The following PCDH17 variants were observed in gnomAD, a reference collection of about 807,000 sequenced individuals.
PCDH17 encodes the protein protocadherin-17.
Under a neutral mutation model 67.7 loss-of-function variants are expected in PCDH17, and 21 were observed. The observed-to-expected ratio is 0.31, with a 90% CI of 0.22 to 0.45. The LOEUF is 0.45. PCDH17 is among the 20% of genes least tolerant of loss of function. The pLI is 1.00. For synonymous variants in PCDH17, 701 were observed against 656.7 expected (o/e 1.07, Z -1.03); for missense variants, 1,471 against 1,564.8 (o/e 0.94, Z 1.01).
chr13:57,637,911 T>TA (rs1954843530), intron 1 of PCDH17, among the ~76,000 whole-genome samples: 1 of 151,986 alleles, frequency 6.6e-6, no homozygotes, highest in Non-Finnish European at 1.5e-5. Context: ...TAGGAGTACT[T>TA]TTACTGAGTA....
At chr13:57,693,314 T>TTATATATA (rs1442107442) in intron 3 of PCDH17, among the ~76,000 whole-genome samples, 2 of 41,308 alleles carry the variant, frequency 4.8e-5, no homozygotes, top group African/African-American at 1.5e-4. Context: ...TCACTTACAT[T>TTATATATA]CATATATATA....
chr13:57,721,602 G>A (rs971770358), intron 3 of PCDH17, among the ~76,000 whole-genome samples: 1 of 151,932 alleles, frequency 6.6e-6, no homozygotes, highest in Non-Finnish European at 1.5e-5. Flanking sequence ...GCAATAGAAG[G>A]TACACGTGTC....
chr13:57,723,189 AT>A (rs958443912), intron 3 of PCDH17, among the ~76,000 whole-genome samples: 3 of 152,086 alleles, frequency 2.0e-5, no homozygotes, highest in Non-Finnish European at 2.9e-5. Flanking sequence ...AAGATACCTA[AT>A]TTTTTTTGAG....
intron 3 of PCDH17, among the ~76,000 whole-genome samples, chr13:57,687,832 C>T (rs1955522036): frequency 6.6e-6 from 1 of 152,050 alleles, no homozygotes; most frequent in Non-Finnish European, 1.5e-5. Flanking sequence ...TCTGTCACTA[C>T]TGTCCAAGGC....
chr13:57,648,638 A>C (rs1954997143), intron 1 of PCDH17, among the ~76,000 whole-genome samples: 1 of 152,040 alleles, frequency 6.6e-6, no homozygotes, highest in Admixed American at 6.6e-5. Context: ...CAACTTCATT[A>C]ACATTTCTGT....
At chr13:57,709,617 T>A (rs1185291766) in intron 3 of PCDH17, 2 of 152,144 alleles carry the variant, frequency 1.3e-5, no homozygotes, top group Non-Finnish European at 2.9e-5. Context: ...GTTGGCCCTT[T>A]TTCCTACTTG....
In PCDH17 at chr13:57,725,235, G is replaced by C; in HGVS notation, c.3421G>C (p.Glu1141Gln). 3 of 1,613,266 alleles carry C rather than the reference G, an allele frequency of 1.9e-6. No individual in the cohort carries two copies. The highest frequency in any genetic ancestry group is 2.5e-6 in the Non-Finnish European group (3 of 1,179,806). Reference sequence around the variant, plus strand: ...TGTGGATGCAGAGGAAGTTGTGAGAGAAATTGATAAGCTTTTGCAAGACTG... The same window carrying C: ...TGTGGATGCAGAGGAAGTTGTGAGACAAATTGATAAGCTTTTGCAAGACTG... ...ESVDAEEVVR[E>Q]IDKLLQDCRG... The change falls in exon 4 of 4, where the codon GAA becomes CAA. Residue 1141 changes from glutamate (E) to glutamine (Q), a missense_variant. By Grantham distance (29) the Glu-to-Gln change is conservative (BLOSUM62 2). Coordinates refer to ENST00000377918, the MANE Select transcript of PCDH17 (RefSeq NM_001040429.3).
At chr13:57,656,226 C>T (rs1593905338) in intron 1 of PCDH17, among the ~76,000 whole-genome samples, 1 of 152,196 alleles carries the variant, frequency 6.6e-6, no homozygotes, top group East Asian at 1.9e-4. Context: ...TAATTAGTGA[C>T]ATTATAAACA....
intron 3 of PCDH17, among the ~76,000 whole-genome samples, chr13:57,699,751 G>T (rs61961908): frequency 6.6e-6 from 1 of 151,380 alleles, no homozygotes; most frequent in South Asian, 2.1e-4. Flanking sequence ...ATCTTCTACC[G>T]CATTTTTTCA....
chr13:57,689,005 C>A (rs1955532448), intron 3 of PCDH17, among the ~76,000 whole-genome samples: 1 of 151,964 alleles, frequency 6.6e-6, no homozygotes, highest in African/African-American at 2.4e-5. Context: ...ATGATTAATT[C>A]TTCATGGATA....
chr13:57,643,293 A>G (rs764412714), intron 1 of PCDH17, among the ~76,000 whole-genome samples: 1 of 151,596 alleles, frequency 6.6e-6, no homozygotes, highest in African/African-American at 2.4e-5. Flanking sequence ...ATATGCTTAA[A>G]ATTTTAGCAA....
intron 3 of PCDH17, among the ~76,000 whole-genome samples, chr13:57,694,815 A>G (rs935468710): frequency 1.3e-5 from 2 of 151,110 alleles, no homozygotes; most frequent in Non-Finnish European, 3.0e-5. Context: ...TCCAGTCCTC[A>G]GAGAGATCGT....
At position 57,725,425 on chromosome 13, in the gene PCDH17, T is replaced by A. The variant is rs923507271; in HGVS notation, c.*131T>A. 5 of 737,656 alleles carry A rather than the reference T, an allele frequency of 6.8e-6. No individual in the cohort carries two copies. The highest frequency in any genetic ancestry group is 1.1e-5 in the Non-Finnish European group (5 of 460,340). The allele number at this position is 737,656 out of a possible 1,614,324, so 45.7% of individuals were successfully genotyped here. On this transcript the variant is annotated 3_prime_UTR_variant, in exon 4 of 4. Coordinates refer to ENST00000377918, the MANE Select transcript of PCDH17 (RefSeq NM_001040429.3). ...GCTGCTTTAAGGCTTTTAGTGAACA[T>A]CTGAAGTGCCCACAAGTATGTTCTT...
At chr13:57,697,725 C>T (rs1015288130) in intron 3 of PCDH17, among the ~76,000 whole-genome samples, 2 of 150,642 alleles carry the variant, frequency 1.3e-5, no homozygotes, top group Non-Finnish European at 3.0e-5. Flanking sequence ...AAATAAAACA[C>T]AGACTATGTA....
chr13:57,704,678 A>C (rs1023740987), intron 3 of PCDH17, among the ~76,000 whole-genome samples: 5 of 151,992 alleles, frequency 3.3e-5, no homozygotes, highest in Non-Finnish European at 7.4e-5. Context: ...CTACAATAAA[A>C]CATGTATTGA....
chr13:57,660,909 T>C (rs1955174248), intron 1 of PCDH17, among the ~76,000 whole-genome samples: 1 of 152,218 alleles, frequency 6.6e-6, no homozygotes, highest in African/African-American at 2.4e-5. Flanking sequence ...TGTATGAATA[T>C]GTATGATGGT....
chr13:57,650,961 C>T (rs1043655327), intron 1 of PCDH17, among the ~76,000 whole-genome samples: 10 of 151,980 alleles, frequency 6.6e-5, no homozygotes, highest in East Asian at 1.9e-4. Context: ...GCAGAGATAT[C>T]GATATGTTTA....
intron 3 of PCDH17, among the ~76,000 whole-genome samples, chr13:57,680,129 G>GTT (rs1955434739): frequency 1.4e-5 from 2 of 144,492 alleles, no homozygotes; most frequent in African/African-American, 5.1e-5. Flanking sequence ...TTAGGTAAAT[G>GTT]TTATATCTAC....
chr13:57,674,882 G>A (rs368354706), intron 3 of PCDH17, among the ~76,000 whole-genome samples: 1 of 152,022 alleles, frequency 6.6e-6, no homozygotes, highest in African/African-American at 2.4e-5. Flanking sequence ...ATTATGGTGA[G>A]AAGAAACCTT....
Sources: allele counts gnomAD v4.1 joint callset (sites outside exome capture counted in the v4.1 genomes callset), GRCh38; gene constraint gnomAD v4.1.1; transcripts MANE v1.5; gene names NCBI Gene and HGNC (gene_info 2026-07-23, HGNC 2026-07-21).